The following RILPL1 variants were observed in gnomAD, a reference collection of about 807,000 sequenced individuals.
RILPL1 encodes the protein RILP-like protein 1.
Under a neutral mutation model 50.3 loss-of-function variants are expected in RILPL1, and 33 were observed. The ratio of observed to expected loss-of-function variants is 0.66; its 90% confidence interval spans 0.50 to 0.88. The LOEUF is 0.88. RILPL1 is among the 40% of genes least tolerant of loss of function. The pLI is 0.00. For synonymous variants in RILPL1, 205 were observed against 228.6 expected (o/e 0.90, Z 0.93); for missense variants, 418 against 542.5 (o/e 0.77, Z 2.28).
intron 1 of RILPL1, among the ~76,000 whole-genome samples, chr12:123,527,532 C>T (rs1277383640): frequency 1.3e-5 from 2 of 151,790 alleles, no homozygotes; most frequent in Non-Finnish European, 2.9e-5. Flanking sequence ...AGCTACTCAG[C>T]AGGCTGAGGC....
intron 2 of RILPL1, 71 bp downstream of exon 2, chr12:123,523,424 G>T (rs567345116): frequency 6.3e-7 from 1 of 1,577,776 alleles, no homozygotes; most frequent in South Asian, 1.1e-5. Flanking sequence ...GGGTGGTGGC[G>T]ACAATCGCTG....
chr12:123,518,860 C>T (rs1305948587), intron 2 of RILPL1, among the ~76,000 whole-genome samples: 2 of 151,810 alleles, frequency 1.3e-5, no homozygotes, highest in Non-Finnish European at 1.5e-5. Flanking sequence ...AGATCGAGAC[C>T]ATACTGGCTA....
rs748093558 is a variant in RILPL1, at chr12:123,533,434, TCTCCAGCGCCGACTCGGC to T, written c.31_48del (p.Ala11_Glu16del). On this transcript the variant is annotated inframe_deletion, in exon 1 of 7. Transcript: ENST00000376874. This position sits in a 1 kb window ranked among gnomAD's most constrained non-coding sequence, Gnocchi z 6.2. The stretch of plus-strand genomic sequence containing the variant: ...ATGACGGTCAGCTCGGCCACGTTCT[TCTCCAGCGCCGACTCGGC>T]CGCCAGCGCCGACCCCCGCTCCTCC... The T allele has an allele frequency of 1.7e-4, 260 of 1,537,202 alleles. 2 individuals are homozygous for T. The East Asian group carries it at 3.0e-3, about 18-fold the overall frequency.
intron 2 of RILPL1, among the ~76,000 whole-genome samples, chr12:123,501,595 A>G (rs1245824065): frequency 6.6e-6 from 1 of 151,948 alleles, no homozygotes; most frequent in Non-Finnish European, 1.5e-5. Flanking sequence ...CCCCGTCTCT[A>G]CTAAAAATAC....
chr12:123,489,269 C>T lies in RILPL1; in HGVS notation c.802-3464G>A, dbSNP rs1882537372. Among the ~76,000 whole-genome samples, 1 of 152,182 alleles carries T rather than the reference C, an allele frequency of 6.6e-6. No individual in the cohort carries two copies. On this transcript the variant is annotated intron_variant, in intron 4 of 6. Transcript: ENST00000376874. The surrounding 1 kb of genome is among the most constrained non-coding windows in gnomAD (Gnocchi z 4.0). ...AGGTGTGGTGGCTCACACCTGTAAT[C>T]CCAGTACTTTGGGAGGCTGAGGCAG...
intron 2 of RILPL1, among the ~76,000 whole-genome samples, chr12:123,521,920 G>A (rs949309126): frequency 6.6e-6 from 1 of 151,552 alleles, no homozygotes; most frequent in South Asian, 2.1e-4. Context: ...CTCTACAGGC[G>A]CCCGCCTCCA....
intron 1 of RILPL1, among the ~76,000 whole-genome samples, chr12:123,525,218 CTTAT>C (rs923352958): frequency 7.9e-5 from 12 of 151,670 alleles, no homozygotes; most frequent in African/African-American, 1.5e-4. Context: ...AAGTGTACAT[CTTAT>C]TTATTTATTT....
intron 2 of RILPL1, among the ~76,000 whole-genome samples, chr12:123,516,755 C>T (rs1191231847): frequency 6.6e-6 from 1 of 152,140 alleles, no homozygotes; most frequent in Non-Finnish European, 1.5e-5. Flanking sequence ...AATCCAATAC[C>T]TGGTGTCCTT....
chr12:123,512,829 G>A (rs553200033), intron 2 of RILPL1, among the ~76,000 whole-genome samples: 100 of 136,050 alleles, frequency 7.4e-4, no homozygotes, highest in South Asian at 1.0e-3. Flanking sequence ...GTATGTGTGA[G>A]GTCTGTGTGT....
chr12:123,508,128 G>A (rs1050231164), intron 2 of RILPL1, among the ~76,000 whole-genome samples: 6 of 151,146 alleles, frequency 4.0e-5, no homozygotes, highest in African/African-American at 4.9e-5. Context: ...GCATGGTGGC[G>A]CATGCCTGTA....
chr12:123,504,121 A>T (rs1041107128), intron 2 of RILPL1, among the ~76,000 whole-genome samples: 4 of 152,092 alleles, frequency 2.6e-5, no homozygotes, highest in African/African-American at 9.7e-5. Flanking sequence ...GCCATTATTC[A>T]GCCTTCCGTA....
At chr12:123,530,514 T>C (rs1057294881) in intron 1 of RILPL1, among the ~76,000 whole-genome samples, 1 of 152,158 alleles carries the variant, frequency 6.6e-6, no homozygotes, top group African/African-American at 2.4e-5. Context: ...AATATTTCTA[T>C]GGTATAGCAC....
At chr12:123,523,229 C>T (rs936181247) in intron 2 of RILPL1, among the ~76,000 whole-genome samples, 3 of 152,146 alleles carry the variant, frequency 2.0e-5, no homozygotes, top group Non-Finnish European at 4.4e-5. Flanking sequence ...TAACACATAT[C>T]CCAGGGCCAA....
intron 4 of RILPL1, among the ~76,000 whole-genome samples, chr12:123,496,403 C>A (rs188651212): frequency 2.6e-5 from 4 of 152,290 alleles, no homozygotes; most frequent in African/African-American, 9.6e-5. Context: ...GAAGTAACTA[C>A]CAAATTCACA....
At position 123,485,789 on chromosome 12, in the gene RILPL1, T is replaced by C. The variant is rs1882292184; in HGVS notation, c.818A>G (p.Glu273Gly). 1 of 1,606,810 alleles carries C rather than the reference T, an allele frequency of 6.2e-7. No individual in the cohort carries two copies. Among genetic ancestry groups the C allele is most frequent in the Admixed American group, 1.7e-5 (1 of 58,406 alleles). Residue 273 changes from glutamate to glycine, a missense_variant, in exon 5 of 7, where the codon GAG becomes GGG. By Grantham distance (98) the Glu-to-Gly change is moderately conservative. Transcript: ENST00000376874. The surrounding 1 kb of genome is among the most constrained non-coding windows in gnomAD (Gnocchi z 4.0). ...CTTCTCTGCGTCGGAGATGCTCTCC[T>C]CTCCCACCGGCTCCGTCTGGAGGAG... ...EEEPETEPVG[E>G]ESISDAEKVA...
At chr12:123,475,718 G>A (rs369647325) in intron 6 of RILPL1, 59 of 1,593,050 alleles carry the variant, frequency 3.7e-5, no homozygotes, top group Non-Finnish European at 2.6e-5. Flanking sequence ...TATCAGTCCC[G>A]CTGCTACCAT....
chr12:123,502,763 G>GT (rs1369423480), intron 2 of RILPL1, among the ~76,000 whole-genome samples: 2 of 152,218 alleles, frequency 1.3e-5, no homozygotes, highest in Admixed American at 6.5e-5. Flanking sequence ...ACCAATAATT[G>GT]TGGTATCCTA....
At chr12:123,511,106 C>CTG (rs1283871760) in intron 2 of RILPL1, among the ~76,000 whole-genome samples, 1 of 55,116 alleles carries the variant, frequency 1.8e-5, no homozygotes, top group South Asian at 6.9e-4. Context: ...TGTGTTAGGT[C>CTG]TGTGTGTGTG....
chr12:123,503,687 G>A (rs1883549691), intron 2 of RILPL1, among the ~76,000 whole-genome samples: 1 of 152,070 alleles, frequency 6.6e-6, no homozygotes, highest in African/African-American at 2.4e-5. Context: ...GCTCACCCAA[G>A]TAAGCCAGGA....
Sources: gnomAD v4.1 joint callset for allele counts (sites outside exome capture counted in the v4.1 genomes callset) on GRCh38, gnomAD v4.1.1 for gene constraint, Gnocchi (gnomAD v3.1) non-coding constraint, MANE v1.5 for transcripts, NCBI Gene and HGNC (gene_info 2026-07-23, HGNC 2026-07-21) for gene names.